Variants in AMOT observed in about 807,000 individuals in gnomAD.
The protein encoded by AMOT is angiomotin.
Under a neutral mutation model 67.0 loss-of-function variants are expected in AMOT, and 11 were observed. The ratio of observed to expected loss-of-function variants is 0.16; its 90% confidence interval spans 0.10 to 0.27. The LOEUF (loss-of-function observed/expected upper bound fraction) is 0.27, where lower values mean the gene tolerates loss of function less well. Ranked by LOEUF, AMOT falls within the 10% of genes least tolerant of loss-of-function variation. The pLI is 1.00. For synonymous variants in AMOT, 326 were observed against 321.4 expected (o/e 1.01, Z -0.15); for missense variants, 753 against 852.0 (o/e 0.88, Z 1.45).
At chrX:112,830,690 T>C (rs1291726609) in intron 2 of AMOT, among the ~76,000 whole-genome samples, 1 of 111,683 alleles carries the variant, frequency 9.0e-6, no homozygotes, top group Non-Finnish European at 1.9e-5. Flanking sequence ...GCTTGCGAAA[T>C]GGCAGAGTGG....
chrX:112,838,858 G>C (rs1935206372), intron 1 of AMOT, among the ~76,000 whole-genome samples: 1 of 112,351 alleles, frequency 8.9e-6, no homozygotes, highest in Non-Finnish European at 1.9e-5. Flanking sequence ...AATGAAGTAT[G>C]ATGTAGTGCC....
At chrX:112,832,725 C>G (rs943296081) in intron 1 of AMOT, among the ~76,000 whole-genome samples, 3 of 112,058 alleles carry the variant, frequency 2.7e-5, no homozygotes, top group Non-Finnish European at 3.8e-5. Context: ...AAACCCAGTT[C>G]CCAGTGGGGC....
intron 10 of AMOT, among the ~76,000 whole-genome samples, chrX:112,787,570 G>A (rs1933407634): frequency 8.9e-6 from 1 of 111,841 alleles, no homozygotes; most frequent in Admixed American, 9.5e-5. Flanking sequence ...GGTCCTCTGT[G>A]TTAATTGTGG....
rs745879297 is a variant in AMOT, at chrX:112,811,288, C to T, written c.1498G>A (p.Glu500Lys). 10 of 1,211,184 alleles carry T rather than the reference C, an allele frequency of 8.3e-6. No individual in the cohort carries two copies. Among genetic ancestry groups the T allele is most frequent in the Non-Finnish European group, 1.1e-5 (10 of 895,299 alleles). The part of the protein sequence containing the change: ...EKAMRNKLEG[E>K]IRRMHDFNRD... ...TTGAAATCATGCATCCTCCGAATCT[C>T]GCCCTCTAGCTTGTTTCTCATGGCT... is the stretch of plus-strand genomic sequence containing the variant. Residue 500 changes from glutamate to lysine, a missense_variant, in exon 6 of 14, where the codon GAG becomes AAG. Around this residue, in one of 5 missense-constraint regions of AMOT, gnomAD observed 297 missense variants for 284.3 expected, o/e 1.04. Coordinates refer to ENST00000371959, the MANE Select transcript of AMOT (RefSeq NM_001113490.2).
chrX:112,822,990 G>A lies in AMOT; in HGVS notation c.137C>T (p.Pro46Leu). The A allele has an allele frequency of 8.6e-7, 1 of 1,167,735 alleles. No individual in the cohort carries two copies. Among genetic ancestry groups the A allele is most frequent in the Non-Finnish European group, 1.1e-6 (1 of 873,089 alleles). The change falls in exon 4 of 14, where the codon CCT becomes CTT. Residue 46 changes from proline to leucine, a missense_variant. By Grantham distance (98) the Pro-to-Leu change is moderately conservative (BLOSUM62 -3). Transcript: ENST00000371959. ...GTTCCCACTGCCACTGGGGAAAGGAGGGCCATTCCCTGTGGCTTGCTGGTG... is the reference window on the plus strand; with the variant it reads ...GTTCCCACTGCCACTGGGGAAAGGAAGGCCATTCCCTGTGGCTTGCTGGTG... ...AIHQQATGNG[P>L]PFPSGSGNPG...
Position 112,815,815 on chromosome X carries a change from G to A in AMOT, c.935C>T (p.Ser312Phe). 1 of 1,167,505 alleles carries A rather than the reference G, an allele frequency of 8.6e-7. No individual in the cohort carries two copies. Among genetic ancestry groups the A allele is most frequent in the Non-Finnish European group, 1.1e-6 (1 of 872,985 alleles). The change falls in exon 5 of 14, where the codon TCT becomes TTT. Residue 312 changes from serine (S) to phenylalanine (F), a missense_variant. By Grantham distance (155) the Ser-to-Phe change is radical. Transcript: ENST00000371959. ...CAAGGACCCCCCAGAGGTCAGAGAA[G>A]AAGTAGGGCTGTGAGGCTGCGAGTT... The part of the protein sequence containing the change: ...ARNSQPHSPT[S>F]SLTSGGSLPL...
At chrX:112,787,118 C>T (rs912524207) in intron 10 of AMOT, among the ~76,000 whole-genome samples, 10 of 111,978 alleles carry the variant, frequency 8.9e-5, no homozygotes, top group African/African-American at 2.3e-4. Context: ...TGTCTGAAAT[C>T]GTTAACATCA....
chrX:112,784,345 T>C (rs906182853), intron 10 of AMOT, among the ~76,000 whole-genome samples: 1 of 112,511 alleles, frequency 8.9e-6, no homozygotes, highest in African/African-American at 3.2e-5. Flanking sequence ...GCTCTAAGCA[T>C]GCCGCTTCAT....
At chrX:112,832,113 G>A (rs1051457346) in intron 2 of AMOT, among the ~76,000 whole-genome samples, 181 bp downstream of exon 2, 7 of 111,251 alleles carry the variant, frequency 6.3e-5, no homozygotes, top group Non-Finnish European at 1.1e-4. Flanking sequence ...GGGCATGGGC[G>A]GGGTGCGTGA....
intron 12 of AMOT, 107 bp from the exon 13 acceptor site, chrX:112,779,787 T>A: frequency 3.2e-6 from 1 of 316,185 alleles, no homozygotes; most frequent in South Asian, 2.0e-4. Flanking sequence ...TATTTATTTT[T>A]AAATAAGTAA....
rs1932985996 is a variant in AMOT, at chrX:112,778,191, T to C, written c.*376A>G. The C allele has an allele frequency of 8.2e-6, 1 of 122,414 alleles. No individual in the cohort carries two copies. Among genetic ancestry groups the C allele is most frequent in the South Asian group, 3.2e-4 (1 of 3,170 alleles). 10.1% of individuals were successfully genotyped at this position (122,414 alleles called of 1,213,427 possible). ...CTTCCCACTTCCAAACTACGTGTTA[T>C]ACACTGTCTTCCACACATACTGTGC... On this transcript the variant is annotated 3_prime_UTR_variant, in exon 14 of 14. Coordinates refer to ENST00000371959, the MANE Select transcript of AMOT (RefSeq NM_001113490.2).
chrX:112,798,952 G>C (rs761490220), intron 8 of AMOT, among the ~76,000 whole-genome samples: 1 of 111,718 alleles, frequency 9.0e-6, no homozygotes, highest in Non-Finnish European at 1.9e-5. Flanking sequence ...TGAATACCAC[G>C]TGATGGCATC....
chrX:112,807,385 C>A (rs1409792930), intron 7 of AMOT, among the ~76,000 whole-genome samples: 6 of 110,050 alleles, frequency 5.5e-5, no homozygotes, highest in African/African-American at 1.7e-4. Flanking sequence ...TGCCATTTCA[C>A]ACACACACAC....
chrX:112,797,597 A>G (rs941226376), intron 8 of AMOT, among the ~76,000 whole-genome samples: 1 of 111,800 alleles, frequency 8.9e-6, no homozygotes, highest in Non-Finnish European at 1.9e-5. Flanking sequence ...CCTGCCCAAC[A>G]TGGTGAAACG....
rs1256658225 is a variant in AMOT at position 112,779,581 on chromosome X, C to G, written c.2573G>C (p.Gly858Ala). ...AGTTTGGGTACTGCAGTCTCGGCTG[C>G]CTGTCTTGGAGTGAGCCGAGAGCAG... is the stretch of plus-strand genomic sequence containing the variant. The part of the protein sequence containing the change: ...TPLLSAHSKT[G>A]SRDCSTQTER... The change falls in exon 13 of 14, where the codon GGC (glycine) becomes GCC (alanine). Residue 858 changes from glycine (G) to alanine (A), a missense_variant. Transcript: ENST00000371959. 8.3e-7 allele frequency: 1 copy of G among 1,208,707 alleles called. No homozygotes were observed. Among genetic ancestry groups the G allele is most frequent in the Non-Finnish European group, 1.1e-6 (1 of 895,007 alleles).
At chrX:112,826,885 T>A (rs975148184) in intron 2 of AMOT, among the ~76,000 whole-genome samples, 1 of 111,920 alleles carries the variant, frequency 8.9e-6, no homozygotes, top group East Asian at 2.8e-4. Context: ...TGAGATGGAG[T>A]CTTGCTCTGT....
At chrX:112,804,898 T>TTCCCCCCCCCCC in intron 8 of AMOT, 49 bp downstream of exon 8, 9 of 837,568 alleles carry the variant, frequency 1.1e-5, no homozygotes, top group South Asian at 2.0e-5. Context: ...GTCCCCGATT[T>TTCCCCCCCCCCC]CCCAGCCCTC....
In AMOT at chrX:112,823,057, G is replaced by C; in HGVS notation, c.70C>G (p.Arg24Gly). 1 of 1,167,620 alleles carries C rather than the reference G, an allele frequency of 8.6e-7. No individual in the cohort carries two copies. The highest frequency in any genetic ancestry group is 1.1e-6 in the Non-Finnish European group (1 of 872,968). ...VLQRLLQEQL[R>G]YGNPSENRSL... Reference sequence around the variant, plus strand: ...CGATTCTCACTAGGATTGCCATAGCGAAGCTGCTCTTGTAGCAAACGCTGC... The same window carrying C: ...CGATTCTCACTAGGATTGCCATAGCCAAGCTGCTCTTGTAGCAAACGCTGC... Residue 24 changes from arginine to glycine, a missense_variant, in exon 4 of 14, where the codon CGC (arginine) becomes GGC (glycine). Arg to Gly is a moderately radical substitution (Grantham distance 125, BLOSUM62 -2). Transcript: ENST00000371959.
At chrX:112,782,389 C>T in intron 11 of AMOT, 151 bp downstream of exon 11, 1 of 728,170 alleles carries the variant, frequency 1.4e-6, no homozygotes, top group African/African-American at 2.1e-5. Flanking sequence ...AGGTAAAGGT[C>T]ATTGCATCTC....
Sources: gnomAD v4.1 joint callset for allele counts (sites outside exome capture counted in the v4.1 genomes callset) on GRCh38, gnomAD v4.1.1 for gene constraint, gnomAD v4.1.1 regional missense constraint, MANE v1.5 for transcripts, NCBI Gene and HGNC (gene_info 2026-07-23, HGNC 2026-07-21) for gene names.